The following PLXNA3 variants were observed in gnomAD, a reference collection of about 807,000 sequenced individuals.
PLXNA3 encodes plexin-A3.
A neutral mutation model predicts 118.8 loss-of-function variants in PLXNA3; 52 were observed. The ratio of observed to expected loss-of-function variants is 0.44; its 90% CI spans 0.35 to 0.55. PLXNA3 has a LOEUF of 0.55. Ranked by LOEUF, PLXNA3 falls within the 20% of genes least tolerant of loss-of-function variation. The probability of loss-of-function intolerance (pLI) is 0.01; values close to 1 mark genes in which losing one functional copy is unlikely to be tolerated. For missense variants in PLXNA3, 1,660 were observed against 1,730.8 expected (o/e 0.96, Z 0.73); for synonymous variants, 925 against 762.4 (o/e 1.21, Z -3.51).
At position 154,468,858 on chromosome X, in the gene PLXNA3, T is replaced by C. The variant is rs782633374; in HGVS notation, c.4323T>C (p.Cys1441=). Reference sequence around the variant, plus strand: ...GGGAGCCTCTCTTCCTGCTTTACTGTGCCATCAAGCAGCAGATGGAGAAGG... The same window carrying C: ...GGGAGCCTCTCTTCCTGCTTTACTGCGCCATCAAGCAGCAGATGGAGAAGG... ...CAGEPLFLLY[C]AIKQQMEKGP... is the part of the protein sequence containing the mutation. The change falls in exon 25 of 33, where the codon TGT becomes TGC. Residue 1441 remains cysteine (C), a synonymous_variant. Coordinates refer to ENST00000369682, the MANE Select transcript of PLXNA3 (RefSeq NM_017514.5). The C allele has an allele frequency of 8.3e-7, 1 of 1,211,167 alleles. No individual in the cohort carries two copies. Among genetic ancestry groups the C allele is most frequent in the Non-Finnish European group, 1.1e-6 (1 of 895,353 alleles).
Position 154,467,539 on chromosome X carries a change from C to A in PLXNA3, c.3442-6C>A. The A allele has an allele frequency of 8.5e-7, 1 of 1,174,666 alleles. No homozygotes were observed. Among genetic ancestry groups the A allele is most frequent in the Non-Finnish European group, 1.1e-6 (1 of 877,134 alleles). On this transcript the variant is annotated splice_region_variant and splice_polypyrimidine_tract_variant and intron_variant, in intron 19 of 32. Coordinates refer to ENST00000369682, the MANE Select transcript of PLXNA3 (RefSeq NM_017514.5). ...GTCCTGGGCTGAAGTTGTCCTCCAC[C>A]CCCAGGGCAAGAACCTGATTCCCGC...
In PLXNA3 at chrX:154,474,664, A is replaced by G. The variant is rs1318045333; in HGVS notation, c.*1979A>G. ...GGCTAATTTTTTGTATTTTTAGTAG[A>G]GACGGGGTTTTACTGTGTTAGCCAG... On this transcript the variant is annotated 3_prime_UTR_variant, in exon 33 of 33. Coordinates refer to ENST00000369682, the MANE Select transcript of PLXNA3 (RefSeq NM_017514.5). The G allele has an allele frequency of 2.9e-5, 3 of 103,284 alleles. No homozygotes were observed. Among genetic ancestry groups the G allele is most frequent in the Non-Finnish European group, 5.9e-5 (3 of 51,216 alleles). The allele number at this position is 103,284 out of a possible 1,213,427, so 8.5% of individuals were successfully genotyped here. A position where few individuals can be genotyped will look rare whatever the true frequency, so the allele number is the denominator to read the frequency against.
chrX:154,468,041 A>T (rs201467106), intron 21 of PLXNA3, 40 bp downstream of exon 21: 675 of 1,182,923 alleles, frequency 5.7e-4, no homozygotes, highest in Non-Finnish European at 6.8e-4. Flanking sequence ...GAAGCTGGGG[A>T]CCTCCCTCCT....
rs1165283945 is a variant in PLXNA3 at position 154,471,209 on chromosome X, C to T, written c.5261C>T (p.Thr1754Ile). The T allele has an allele frequency of 8.3e-6, 10 of 1,208,907 alleles. No homozygotes were observed. Among genetic ancestry groups the T allele is most frequent in the Non-Finnish European group, 7.8e-6 (7 of 894,023 alleles). ...TDACLSVVAQTFMDSCSTSEH... is the reference protein window; with the variant it reads ...TDACLSVVAQIFMDSCSTSEH... ...GCCTGCCTGTCGGTGGTAGCCCAGACCTTCATGGACTCCTGCTCTACATCC... is the reference window on the plus strand; with the variant it reads ...GCCTGCCTGTCGGTGGTAGCCCAGATCTTCATGGACTCCTGCTCTACATCC... The change falls in exon 31 of 33, where the codon ACC becomes ATC. Residue 1754 changes from threonine (T) to isoleucine (I), a missense_variant. By Grantham distance (89) the Thr-to-Ile change is moderately conservative. Coordinates refer to ENST00000369682, the MANE Select transcript of PLXNA3 (RefSeq NM_017514.5).
Position 154,473,964 on chromosome X carries a change from T to C in PLXNA3, c.*1279T>C, listed in dbSNP as rs782123594. The C allele has an allele frequency of 2.7e-5, 3 of 111,436 alleles. No homozygotes were observed. Among genetic ancestry groups the C allele is most frequent in the South Asian group, 3.7e-4 (1 of 2,693 alleles). 9.2% of individuals were successfully genotyped at this position (111,436 alleles called of 1,213,427 possible). A position where few individuals can be genotyped will look rare whatever the true frequency, so the allele number is the denominator to read the frequency against. On this transcript the variant is annotated 3_prime_UTR_variant, in exon 33 of 33. Coordinates refer to ENST00000369682, the MANE Select transcript of PLXNA3 (RefSeq NM_017514.5). ...CGTGGGAGGCAGAGAGATCCTGTTATGATATAAGGTGGATCATGTTGCCTC... is the reference window on the plus strand; with the variant it reads ...CGTGGGAGGCAGAGAGATCCTGTTACGATATAAGGTGGATCATGTTGCCTC...
intron 1 of PLXNA3, 93 bp from the exon 2 acceptor site, chrX:154,460,064 G>C: frequency 2.0e-6 from 1 of 494,140 alleles, no homozygotes; most frequent in Non-Finnish European, 3.4e-6. Context: ...TCCCTGTCAC[G>C]GTGGCCATCT....
intron 29 of PLXNA3, 51 bp downstream of exon 29, chrX:154,470,218 C>CCTT: frequency 1.8e-6 from 2 of 1,135,990 alleles, no homozygotes; most frequent in Non-Finnish European, 2.4e-6. Flanking sequence ...GTTGTCCCGG[C>CCTT]CTTACAGGGG....
At chrX:154,471,661 C>T (rs1486257531) in intron 32 of PLXNA3, 23 bp downstream of exon 32, 4 of 1,185,479 alleles carry the variant, frequency 3.4e-6, no homozygotes, top group East Asian at 3.0e-5. Context: ...CCCACAGACT[C>T]CCAGTTACTT....
In PLXNA3 at chrX:154,468,978, A is replaced by C. The variant is rs1557208448; in HGVS notation, c.4434+9A>C. The C allele has an allele frequency of 4.1e-6, 5 of 1,211,288 alleles. No homozygotes were observed. The highest frequency in any genetic ancestry group is 4.5e-6 in the Non-Finnish European group (4 of 895,141). On this transcript the variant is annotated intron_variant, in intron 25 of 32. Coordinates refer to ENST00000369682, the MANE Select transcript of PLXNA3 (RefSeq NM_017514.5). Reference sequence around the variant, plus strand: ...TCGACTACAAGACACTGGTGAGCGCAGGGCCAGGCGGGCCAGAGGTAGGGG... The same window carrying C: ...TCGACTACAAGACACTGGTGAGCGCCGGGCCAGGCGGGCCAGAGGTAGGGG...
At position 154,461,487 on chromosome X, in the gene PLXNA3, G is replaced by A. The variant is rs201318025; in HGVS notation, c.983G>A (p.Arg328Gln). Residue 328 changes from arginine to glutamine, a missense_variant, in exon 3 of 33, where the codon CGG becomes CAG. This residue lies in a region of PLXNA3 where 791 missense variants were observed against 652.1 expected (regional missense o/e 1.21). Transcript: ENST00000369682. Reference protein sequence around the residue: ...FTIFSQGQKNRASPPRQTILC... With the variant: ...FTIFSQGQKNQASPPRQTILC... ...ATCTTCTCTCAGGGCCAGAAGAACC[G>A]GGCCAGCCCACCCCGGCAGACCATC... The A allele has an allele frequency of 2.8e-5, 34 of 1,210,760 alleles. No individual in the cohort carries two copies. Among genetic ancestry groups the A allele is most frequent in the Admixed American group, 6.5e-5 (3 of 46,005 alleles).
At position 154,461,341 on chromosome X, in the gene PLXNA3, C is replaced by T. The variant is rs1557204276; in HGVS notation, c.837C>T (p.Pro279=). ...DSEFYSYVEF[P]IGCSWRGVEY... ...AGTTCTACTCATACGTGGAATTCCC[C>T]ATCGGCTGCTCCTGGCGCGGCGTGG... Residue 279 remains proline (P), a synonymous_variant, in exon 3 of 33, where the codon CCC becomes CCT. Transcript: ENST00000369682. The T allele has an allele frequency of 1.7e-6, 2 of 1,211,532 alleles. No homozygotes were observed. Among genetic ancestry groups the T allele is most frequent in the East Asian group, 3.0e-5 (1 of 33,813 alleles).
In PLXNA3 at chrX:154,460,688, A is replaced by G; in HGVS notation, c.505A>G (p.Thr169Ala). Residue 169 changes from threonine to alanine, a missense_variant, in exon 2 of 33, where the codon ACT becomes GCT. Transcript: ENST00000369682. ...GGGGCCCAGCAAGCTGTTTGTGGGC[A>G]CTGCTGTCGACGGCAAGTCGGAGTA... ...GQGPSKLFVG[T>A]AVDGKSEYFP... The G allele has an allele frequency of 5.2e-6, 6 of 1,151,229 alleles. No homozygotes were observed. Among genetic ancestry groups the G allele is most frequent in the Non-Finnish European group, 6.9e-6 (6 of 868,750 alleles). 94.9% of individuals were successfully genotyped at this position (1,151,229 alleles called of 1,213,427 possible).
rs1443415174 is a variant in PLXNA3 at position 154,474,177 on chromosome X, G to A, written c.*1492G>A. 1 of 111,421 alleles carries A rather than the reference G, an allele frequency of 9.0e-6. No individual in the cohort carries two copies. Among genetic ancestry groups the A allele is most frequent in the Non-Finnish European group, 1.9e-5 (1 of 53,110 alleles). The allele number at this position is 111,421 out of a possible 1,213,427, so 9.2% of individuals were successfully genotyped here. A position where few individuals can be genotyped will look rare whatever the true frequency, so the allele number is the denominator to read the frequency against. ...TTATTTATTTATTTTGAGACAGAGTGTAGCTGTGTTGCCCAGGCTGGAGTG... is the reference window on the plus strand; with the variant it reads ...TTATTTATTTATTTTGAGACAGAGTATAGCTGTGTTGCCCAGGCTGGAGTG... On this transcript the variant is annotated 3_prime_UTR_variant, in exon 33 of 33. Coordinates refer to ENST00000369682, the MANE Select transcript of PLXNA3 (RefSeq NM_017514.5).
Position 154,469,096 on chromosome X carries a change from A to G in PLXNA3, c.4475A>G (p.Gln1492Arg). 1.7e-6 allele frequency: 2 copies of G among 1,211,540 alleles called. No individual in the cohort carries two copies. The highest frequency in any genetic ancestry group is 1.8e-5 in the South Asian group (1 of 57,056). The stretch of plus-strand genomic sequence containing the variant: ...TGTCCGGAGAACGAGGGCAGCGCCC[A>G]GGTCCCAGTGAAGGTTCTCAACTGT... ...CVCPENEGSAQVPVKVLNCDS... is the reference protein window; with the variant it reads ...CVCPENEGSARVPVKVLNCDS... Residue 1492 changes from glutamine to arginine, a missense_variant, in exon 26 of 33, where the codon CAG (glutamine) becomes CGG (arginine). Gln to Arg is a conservative substitution (Grantham distance 43). This residue lies in a region of PLXNA3 where 869 missense variants were observed against 1,078.7 expected (regional missense o/e 0.81). Coordinates refer to ENST00000369682, the MANE Select transcript of PLXNA3 (RefSeq NM_017514.5).
chrX:154,462,337 G>C (rs1240069858), intron 4 of PLXNA3, 27 bp downstream of exon 4: 3 of 1,086,463 alleles, frequency 2.8e-6, no homozygotes, highest in Admixed American at 6.2e-5. Flanking sequence ...TGGGCATGTG[G>C]GGGTGGGGAC....
At chrX:154,458,887 G>A (rs1359662547) in intron 1 of PLXNA3, among the ~76,000 whole-genome samples, 1 of 111,678 alleles carries the variant, frequency 9.0e-6, no homozygotes, top group Non-Finnish European at 1.9e-5. Context: ...GCCTCCCCAG[G>A]TCTCCCTCCC....
Position 154,467,784 on chromosome X carries a change from G to A in PLXNA3, c.3603G>A (p.Leu1201=). 1.7e-6 allele frequency: 2 copies of A among 1,201,738 alleles called. No homozygotes were observed. The highest frequency in any genetic ancestry group is 2.2e-6 in the Non-Finnish European group (2 of 893,171). Residue 1201 remains leucine, a synonymous_variant, in exon 21 of 33, where the codon CTG becomes CTA. Coordinates refer to ENST00000369682, the MANE Select transcript of PLXNA3 (RefSeq NM_017514.5). ...RQPVMVLVGG[L]EFWLGTLHIS... Reference sequence around the variant, plus strand: ...CCCCACAGGTGCTGGTGGGTGGCCTGGAGTTCTGGCTGGGCACCCTGCACA... The same window carrying A: ...CCCCACAGGTGCTGGTGGGTGGCCTAGAGTTCTGGCTGGGCACCCTGCACA...
chrX:154,460,223 G>T lies in PLXNA3; in HGVS notation c.40G>T (p.Val14Leu). 1 of 1,208,772 alleles carries T rather than the reference G, an allele frequency of 8.3e-7. No homozygotes were observed. Among genetic ancestry groups the T allele is most frequent in the Non-Finnish European group, 1.1e-6 (1 of 893,831 alleles). ...CCTCCTCCTGCTGCTCTTCCTTGCC[G>T]TGGGGGGGGCCCTGGGCAACAGGCC... ...VCLLLLLFLA[V>L]GGALGNRPFR... Residue 14 changes from valine to leucine, a missense_variant, in exon 2 of 33, where the codon GTG (valine) becomes TTG (leucine). This residue lies in a region of PLXNA3 where 791 missense variants were observed against 652.1 expected (regional missense o/e 1.21). Coordinates refer to ENST00000369682, the MANE Select transcript of PLXNA3 (RefSeq NM_017514.5).
At position 154,460,415 on chromosome X, in the gene PLXNA3, T is replaced by C. The variant is rs1471570011; in HGVS notation, c.232T>C (p.Tyr78His). The change falls in exon 2 of 33, where the codon TAC (tyrosine) becomes CAC (histidine). Residue 78 changes from tyrosine to histidine, a missense_variant. Physicochemically the swap from Tyr to His is moderately conservative, Grantham distance 83. This residue lies in a region of PLXNA3 where 791 missense variants were observed against 652.1 expected (regional missense o/e 1.21). Coordinates refer to ENST00000369682, the MANE Select transcript of PLXNA3 (RefSeq NM_017514.5). ...GCCCGTCGAGGACAACGCTCGCTGC[T>C]ACCCGCCCCCCAGCATGCGCGTGTG... is the stretch of plus-strand genomic sequence containing the variant. ...TGPVEDNARC[Y>H]PPPSMRVCAH... 2.5e-6 allele frequency: 3 copies of C among 1,202,346 alleles called. No homozygotes were observed. Among genetic ancestry groups the C allele is most frequent in the African/African-American group, 1.7e-5 (1 of 57,427 alleles).
Sources: gnomAD v4.1 joint callset for allele counts (sites outside exome capture counted in the v4.1 genomes callset) on GRCh38, gnomAD v4.1.1 for gene constraint, gnomAD v4.1.1 regional missense constraint, MANE v1.5 for transcripts, NCBI Gene and HGNC (gene_info 2026-07-23, HGNC 2026-07-21) for gene names.